The following SLC16A7 variants were observed in gnomAD, a reference collection of about 807,000 sequenced individuals.
SLC16A7 encodes the protein monocarboxylate transporter 2.
A neutral mutation model predicts 34.9 loss-of-function variants in SLC16A7; 33 were observed. That is an observed-to-expected ratio of 0.94 (90% CI 0.72 to 1.26). The LOEUF (loss-of-function observed/expected upper bound fraction) is 1.26, where lower values mean the gene tolerates loss of function less well. Ranked by LOEUF, SLC16A7 falls within the 50% of genes most tolerant of loss-of-function variation. The pLI, the probability that SLC16A7 is intolerant of heterozygous loss-of-function variation, is 0.00. For synonymous variants in SLC16A7, 201 were observed against 206.6 expected (o/e 0.97, Z 0.23); for missense variants, 573 against 578.1 (o/e 0.99, Z 0.09).
chr12:59,608,525 G>T (rs1039887056), intron 1 of SLC16A7, among the ~76,000 whole-genome samples: 2 of 152,152 alleles, frequency 1.3e-5, no homozygotes, highest in African/African-American at 4.8e-5. Context: ...GTAAGTCTGT[G>T]TTCCCTGTAG....
chr12:59,651,702 A>G (rs1240095096), intron 1 of SLC16A7, among the ~76,000 whole-genome samples: 2 of 152,120 alleles, frequency 1.3e-5, no homozygotes, highest in African/African-American at 4.8e-5. Context: ...ATGCCCTCAC[A>G]TTCTTCAACC....
chr12:59,730,777 C>T (rs531224412), intron 3 of SLC16A7, among the ~76,000 whole-genome samples: 1 of 152,008 alleles, frequency 6.6e-6, no homozygotes, highest in East Asian at 1.9e-4. Context: ...ATGGAATGGC[C>T]CAGTACTATT....
At chr12:59,650,318 A>G (rs1868320932) in intron 1 of SLC16A7, among the ~76,000 whole-genome samples, 1 of 152,200 alleles carries the variant, frequency 6.6e-6, no homozygotes. Context: ...GTTTAGCACT[A>G]GAAGTGTTTT....
At chr12:59,741,502 A>G (rs1335781872) in intron 3 of SLC16A7, among the ~76,000 whole-genome samples, 2 of 152,166 alleles carry the variant, frequency 1.3e-5, no homozygotes, top group African/African-American at 4.8e-5. Flanking sequence ...AGGGCAAAAA[A>G]TCCAGAGATA....
chr12:59,692,301 A>G (rs111701472), intron 2 of SLC16A7, among the ~76,000 whole-genome samples: 2,613 of 151,958 alleles, frequency 0.017, 76 homozygotes, highest in African/African-American at 0.059. Flanking sequence ...TTCTCTCTCA[A>G]CAGCCTTAAT....
intron 3 of SLC16A7, among the ~76,000 whole-genome samples, chr12:59,731,557 G>A (rs1289672048): frequency 2.0e-5 from 3 of 152,064 alleles, no homozygotes; most frequent in Admixed American, 2.0e-4. Context: ...GAGTTTGCTG[G>A]CTAAGAACTT....
chr12:59,766,713 T>C (rs1043219744), intron 3 of SLC16A7, among the ~76,000 whole-genome samples: 3 of 152,208 alleles, frequency 2.0e-5, no homozygotes, highest in Admixed American at 2.0e-4. Flanking sequence ...CTTTTTGATG[T>C]GCTGCTGGAT....
chr12:59,693,240 G>A (rs1346573170), intron 2 of SLC16A7, among the ~76,000 whole-genome samples: 1 of 151,930 alleles, frequency 6.6e-6, no homozygotes. Context: ...TTTCTAAACT[G>A]TATTTTGAAA....
At chr12:59,603,897 T>TTTA (rs1878809424) in intron 1 of SLC16A7, among the ~76,000 whole-genome samples, 2 of 152,228 alleles carry the variant, frequency 1.3e-5, no homozygotes, top group East Asian at 3.8e-4. Context: ...AAGGCAGTTC[T>TTTA]ACTTGTGACT....
intron 1 of SLC16A7, among the ~76,000 whole-genome samples, chr12:59,625,952 T>A (rs1879909843): frequency 6.6e-6 from 1 of 151,824 alleles, no homozygotes; most frequent in Non-Finnish European, 1.5e-5. Flanking sequence ...GGAGCAGATT[T>A]TTTCCAAAAA....
intron 2 of SLC16A7, among the ~76,000 whole-genome samples, chr12:59,661,767 T>C (rs1868864190): frequency 1.3e-5 from 2 of 152,114 alleles, no homozygotes; most frequent in Admixed American, 1.3e-4. Flanking sequence ...TTCTAGGATG[T>C]ATTAAAACTT....
intron 3 of SLC16A7, among the ~76,000 whole-genome samples, chr12:59,709,739 T>G (rs1874005073): frequency 6.6e-6 from 1 of 151,652 alleles, no homozygotes; most frequent in Admixed American, 6.6e-5. Context: ...CTTTTTTTCA[T>G]CTGTAGGCAT....
At chr12:59,646,703 T>C (rs888986609) in intron 1 of SLC16A7, among the ~76,000 whole-genome samples, 2 of 152,050 alleles carry the variant, frequency 1.3e-5, no homozygotes, top group African/African-American at 4.8e-5. Flanking sequence ...CAGCTTGCAT[T>C]GTGCACCTGG....
At position 59,761,205 on chromosome 12, in the gene SLC16A7, A is replaced by G. The variant is rs1026754698; in HGVS notation, c.218-10014A>G. On this transcript the variant is annotated intron_variant, in intron 3 of 5. Transcript: ENST00000547379. The stretch of plus-strand genomic sequence containing the variant: ...TACTCAATCAGGATCATGCCTAGGT[A>G]CATGAAACTGTATTGTTAAATACTT... 5 of 1,204,884 alleles carry G rather than the reference A, an allele frequency of 4.1e-6. No homozygotes were observed. The African/African-American group carries it at 7.8e-5, about 19-fold the overall frequency. 74.6% of individuals were successfully genotyped at this position (1,204,884 alleles called of 1,614,324 possible). A position where few individuals can be genotyped will look rare whatever the true frequency, so the allele number is the denominator to read the frequency against.
At chr12:59,626,008 CT>C (rs1879913147) in intron 1 of SLC16A7, among the ~76,000 whole-genome samples, 8 of 151,840 alleles carry the variant, frequency 5.3e-5, no homozygotes, top group Admixed American at 5.3e-4. Context: ...AAAATTTTTG[CT>C]TTTCCAATAT....
At position 59,661,272 on chromosome 12, in the gene SLC16A7, A is replaced by G. The variant is rs117087066; in HGVS notation, c.-31+6022A>G. Among the ~76,000 whole-genome samples, 192 of 152,200 alleles carry G rather than the reference A, an allele frequency of 1.3e-3. 6 individuals are homozygous for G. In the East Asian group the frequency reaches 0.037, roughly 29 times the overall value. ...GCTGGGATAACAATTGGAGGCTACT[A>G]AATTTATTGGTGCCTGTGGGAATTA... On this transcript the variant is annotated intron_variant, in intron 2 of 5. Coordinates refer to ENST00000547379, the MANE Select transcript of SLC16A7 (RefSeq NM_001270623.2).
intron 2 of SLC16A7, 36 bp from the exon 3 acceptor site, chr12:59,704,735 AT>A: frequency 9.0e-7 from 1 of 1,111,688 alleles, no homozygotes; most frequent in Non-Finnish European, 1.3e-6. Flanking sequence ...AAAAGGGGAA[AT>A]AAAATTTAAA....
chr12:59,763,435 C>T (rs1288541122), intron 3 of SLC16A7, among the ~76,000 whole-genome samples: 2 of 151,890 alleles, frequency 1.3e-5, no homozygotes, highest in Non-Finnish European at 2.9e-5. Context: ...TTGAATCTTC[C>T]CTCAATATTG....
Position 59,642,505 on chromosome 12 carries a change from C to T in SLC16A7, c.-129-12647C>T, listed in dbSNP as rs1039806093. Among the ~76,000 whole-genome samples the T allele has an allele frequency of 2.6e-5, 4 of 151,978 alleles. No individual in the cohort carries two copies. In the South Asian group the frequency reaches 8.3e-4, roughly 32 times the overall value. ...TGTGTTAATCTTTGTAACTCTAAAG[C>T]TTAATGCAGTACCTGTCTTATAGAT... On this transcript the variant is annotated intron_variant, in intron 1 of 5. Coordinates refer to ENST00000547379, the MANE Select transcript of SLC16A7 (RefSeq NM_001270623.2).
Sources: allele counts gnomAD v4.1 joint callset (sites outside exome capture counted in the v4.1 genomes callset), GRCh38; gene constraint gnomAD v4.1.1; transcripts MANE v1.5; gene names NCBI Gene and HGNC (gene_info 2026-07-23, HGNC 2026-07-21).